ROBO2: variants seen among roughly 807,000 people sequenced by gnomAD.
ROBO2 encodes the protein roundabout guidance receptor 2, also known as roundabout homolog 2.
In ROBO2, 53 loss-of-function variants were observed where a neutral mutation model predicts 160.8. That is an observed-to-expected ratio of 0.33 (90% CI 0.26 to 0.41). The LOEUF (loss-of-function observed/expected upper bound fraction) is 0.41, where lower values mean the gene tolerates loss of function less well. ROBO2 is among the 10% of genes least tolerant of loss of function. The pLI is 1.00. For synonymous variants in ROBO2, 664 were observed against 611.7 expected (o/e 1.09, Z -1.26); for missense variants, 1,577 against 1,722.4 (o/e 0.92, Z 1.49).
At chr3:77,351,999 A>G (rs2068409700) in intron 2 of ROBO2, among the ~76,000 whole-genome samples, 1 of 151,848 alleles carries the variant, frequency 6.6e-6, no homozygotes, top group Non-Finnish European at 1.5e-5. Context: ...CTAATGCTAA[A>G]TGACGAGTTA....
chr3:75,916,775 T>C (rs1286243141), intron 1 of ROBO2, among the ~76,000 whole-genome samples: 6 of 151,250 alleles, frequency 4.0e-5, no homozygotes, highest in Non-Finnish European at 8.8e-5. Flanking sequence ...TAAAAACACC[T>C]GTAAATGAAT....
intron 2 of ROBO2, among the ~76,000 whole-genome samples, chr3:76,534,328 A>G (rs1360255035): frequency 6.6e-6 from 1 of 152,180 alleles, no homozygotes; most frequent in Non-Finnish European, 1.5e-5. Context: ...GTAATCAGGC[A>G]TGTTAGCTTT....
chr3:76,765,845 G>T (rs2061550116), intron 2 of ROBO2, among the ~76,000 whole-genome samples: 1 of 151,628 alleles, frequency 6.6e-6, no homozygotes, highest in Non-Finnish European at 1.5e-5. Context: ...CCTACAAAAT[G>T]AGAGCAAAAT....
chr3:76,508,707 A>T (rs1254457848), intron 2 of ROBO2, among the ~76,000 whole-genome samples: 1 of 152,182 alleles, frequency 6.6e-6, no homozygotes, highest in East Asian at 1.9e-4. Context: ...CACTCAAAAA[A>T]CTTGAGGCTT....
At chr3:77,564,966 C>A in exon 12 of ROBO2, 1 of 1,613,332 alleles carries the variant, frequency 6.2e-7, no homozygotes, top group Non-Finnish European at 8.5e-7. Context: ...AATCAGTGAG[C>A]AACAGCTGGC....
At chr3:77,167,194 AAC>A (rs1293076337) in intron 2 of ROBO2, among the ~76,000 whole-genome samples, 26 of 152,104 alleles carry the variant, frequency 1.7e-4, no homozygotes, top group African/African-American at 5.8e-4. Flanking sequence ...TATTTATTTA[AAC>A]ATTGTATTTG....
At chr3:76,961,924 T>C (rs1027908685) in intron 2 of ROBO2, among the ~76,000 whole-genome samples, 1 of 152,164 alleles carries the variant, frequency 6.6e-6, no homozygotes, top group Non-Finnish European at 1.5e-5. Context: ...ATACGCCTGG[T>C]GAGATGGCTC....
intron 2 of ROBO2, among the ~76,000 whole-genome samples, chr3:76,186,991 T>C (rs1393644317): frequency 6.6e-6 from 1 of 152,112 alleles, no homozygotes; most frequent in Non-Finnish European, 1.5e-5. Flanking sequence ...AATTCACTGA[T>C]CCTTATTCTT....
chr3:77,128,594 T>C (rs2075565521), intron 2 of ROBO2, among the ~76,000 whole-genome samples: 1 of 152,260 alleles, frequency 6.6e-6, no homozygotes, highest in South Asian at 2.1e-4. Context: ...AGTCCATCTA[T>C]TTTGCTTTCT....
At chr3:76,225,585 T>A (rs1157961153) in intron 2 of ROBO2, among the ~76,000 whole-genome samples, 1 of 152,044 alleles carries the variant, frequency 6.6e-6, no homozygotes, top group Non-Finnish European at 1.5e-5. Context: ...CATGGCAGCA[T>A]GTGCCTGTAA....
Position 76,078,921 on chromosome 3 carries a change from G to A in ROBO2, c.109+141319G>A, listed in dbSNP as rs1299170946. Among the ~76,000 whole-genome samples, 4 of 152,036 alleles carry A rather than the reference G, an allele frequency of 2.6e-5. No homozygotes were observed. The East Asian group carries it at 7.7e-4, about 29-fold the overall frequency. ...CATTGTTGCCTGTGTTTTATTTTTT[G>A]ATAAAACCATTTTAATTGGGGTGAG... is the stretch of plus-strand genomic sequence containing the variant. On this transcript the variant is annotated intron_variant, in intron 2 of 26. Coordinates refer to the ROBO2 transcript ENST00000487694.
At chr3:77,579,984 A>G in exon 16 of ROBO2, 1 of 1,613,900 alleles carries the variant, frequency 6.2e-7, no homozygotes, top group African/African-American at 1.3e-5. Flanking sequence ...TTCCATATCA[A>G]CAAAACTGTG....
intron 2 of ROBO2, among the ~76,000 whole-genome samples, chr3:76,584,931 T>C (rs746162801): frequency 2.6e-5 from 4 of 152,308 alleles, no homozygotes; most frequent in East Asian, 3.9e-4. Context: ...ATACCTCACA[T>C]TGAATCATAT....
chr3:77,504,643 C>T (rs890983120), intron 5 of ROBO2, among the ~76,000 whole-genome samples: 8 of 152,028 alleles, frequency 5.3e-5, no homozygotes, highest in African/African-American at 1.2e-4. Flanking sequence ...TTTTCTCAAA[C>T]GTAAACCCCA....
At chr3:75,965,190 A>G (rs1263388903) in intron 2 of ROBO2, 1 of 151,774 alleles carries the variant, frequency 6.6e-6, no homozygotes. Context: ...TCTAAAATTC[A>G]AACTCCATAC....
intron 2 of ROBO2, among the ~76,000 whole-genome samples, chr3:76,130,251 AC>A (rs1292109838): frequency 6.6e-6 from 1 of 152,108 alleles, no homozygotes; most frequent in Non-Finnish European, 1.5e-5. Context: ...AGAGAGCAAG[AC>A]TTGCATTTGG....
At chr3:76,145,006 T>C (rs1322791268) in intron 2 of ROBO2, among the ~76,000 whole-genome samples, 8 of 152,200 alleles carry the variant, frequency 5.3e-5, no homozygotes, top group Admixed American at 4.6e-4. Flanking sequence ...TGTACACTTT[T>C]ATTCAAGAAT....
At chr3:76,933,602 C>T (rs1049731903) in intron 2 of ROBO2, among the ~76,000 whole-genome samples, 1 of 152,122 alleles carries the variant, frequency 6.6e-6, no homozygotes, top group Non-Finnish European at 1.5e-5. Context: ...CAGAAGTCTG[C>T]GTTGTAGCTA....
At chr3:76,519,040 G>A (rs1252474723) in intron 2 of ROBO2, among the ~76,000 whole-genome samples, 2 of 152,164 alleles carry the variant, frequency 1.3e-5, no homozygotes, top group Non-Finnish European at 2.9e-5. Flanking sequence ...ACAAGAAGAA[G>A]AGGTTGGAAA....
Sources: allele counts gnomAD v4.1 joint callset (sites outside exome capture counted in the v4.1 genomes callset), GRCh38; gene constraint gnomAD v4.1.1; transcripts MANE v1.5; gene names NCBI Gene and HGNC (gene_info 2026-07-23, HGNC 2026-07-21).